NUP93: variants seen among roughly 807,000 people sequenced by gnomAD.
NUP93 encodes the protein nucleoporin 93.
A neutral mutation model predicts 107.8 loss-of-function variants in NUP93; 55 were observed. The ratio of observed to expected loss-of-function variants is 0.51; its 90% CI spans 0.41 to 0.64. The LOEUF is 0.64. NUP93 is among the 30% of genes least tolerant of loss of function. The probability of loss-of-function intolerance (pLI) is 0.00; values close to 1 mark genes in which losing one functional copy is unlikely to be tolerated. For missense variants in NUP93, 937 were observed against 1,044.7 expected, an observed-to-expected ratio of 0.90 and a Z score of 1.42; for synonymous variants, 390 against 397.5, an observed-to-expected ratio of 0.98 and a Z score of 0.22.
At chr16:56,790,233 G>A (rs1331136582) in intron 3 of NUP93, among the ~76,000 whole-genome samples, 1 of 152,188 alleles carries the variant, frequency 6.6e-6, no homozygotes, top group Non-Finnish European at 1.5e-5. Flanking sequence ...TGTCTCATGG[G>A]CCTTGTAAGC....
chr16:56,833,243 A>G lies in NUP93; in HGVS notation c.1374A>G (p.Gln458=), dbSNP rs1596856039. The G allele has an allele frequency of 1.9e-6, 3 of 1,602,456 alleles. No individual in the cohort carries two copies. The highest frequency in any genetic ancestry group is 4.6e-5 in the East Asian group (2 of 43,932). ...YGESHFTVNQ[Q]PFLYFQVLFL... is the part of the protein sequence containing the mutation. ...AGTCCCACTTTACGGTGAACCAGCA[A>G]CCCTTCCTCTACTTCCAAGTCCTGT... The change falls in exon 13 of 22, where the codon CAA becomes CAG. Residue 458 remains glutamine (Q), a synonymous_variant. Transcript: ENST00000308159.
intron 8 of NUP93, among the ~76,000 whole-genome samples, chr16:56,826,852 C>G (rs1305352811): frequency 2.6e-5 from 4 of 151,738 alleles, no homozygotes; most frequent in Non-Finnish European, 5.9e-5. Context: ...TTGAGACCAT[C>G]CTGGCCAACA....
At chr16:56,808,171 CTATATAAAATATATAGTTAT>C (rs1963197607) in intron 5 of NUP93, among the ~76,000 whole-genome samples, 1 of 86,404 alleles carries the variant, frequency 1.2e-5, no homozygotes, top group African/African-American at 4.5e-5. Flanking sequence ...AGTTATATAA[CTATATAAAATATATAGTTAT>C]ATAACTATAT....
chr16:56,804,999 GTTTATTTA>G (rs1171481362), intron 4 of NUP93, among the ~76,000 whole-genome samples: 1 of 151,952 alleles, frequency 6.6e-6, no homozygotes, highest in African/African-American at 2.4e-5. Flanking sequence ...TTGTCAGTAA[GTTTATTTA>G]TTTATTTATT....
chr16:56,828,179 C>A, intron 8 of NUP93, among the ~76,000 whole-genome samples: 1 of 120,654 alleles, frequency 8.3e-6, no homozygotes, highest in African/African-American at 3.2e-5. Flanking sequence ...GGAACCACAA[C>A]AAGACCCTGC....
intron 18 of NUP93, 120 bp from the exon 19 acceptor site, chr16:56,838,832 T>G: frequency 2.8e-6 from 2 of 727,016 alleles, no homozygotes; most frequent in Non-Finnish European, 2.4e-6. Flanking sequence ...CCCATGTAGC[T>G]GAGATTACAG....
At chr16:56,833,526 C>CAT in intron 13 of NUP93, 120 bp downstream of exon 13, 1 of 771,684 alleles carries the variant, frequency 1.3e-6, no homozygotes, top group East Asian at 3.2e-5. Context: ...CATTTTAGAG[C>CAT]ATGTGGACAG....
At position 56,798,532 on chromosome 16, in the gene NUP93, G is replaced by A. The variant is rs372813477; in HGVS notation, c.354G>A (p.Arg118=). The change falls in exon 4 of 22, where the codon CGG becomes CGA. Residue 118 remains arginine, a synonymous_variant. Transcript: ENST00000308159. ...TGCTGTCTGCCATCGAAGAGTCCCG[G>A]AAGAGGGTAAGAAAATTAACCAAAA... The part of the protein sequence containing the change: ...NALLSAIEES[R]KRTFGMAEEY... 12 of 1,613,850 alleles carry A rather than the reference G, an allele frequency of 7.4e-6. No homozygotes were observed. Among genetic ancestry groups the A allele is most frequent in the Non-Finnish European group, 1.0e-5 (12 of 1,179,862 alleles).
At chr16:56,826,514 TAAAAAAAA>T (rs35715417) in intron 8 of NUP93, among the ~76,000 whole-genome samples, 1 of 128,216 alleles carries the variant, frequency 7.8e-6, no homozygotes, top group East Asian at 2.3e-4. Context: ...AGACTCCGTC[TAAAAAAAA>T]AAAAAAAAAA....
chr16:56,806,591 G>T (rs1963146988), intron 5 of NUP93, among the ~76,000 whole-genome samples: 1 of 152,108 alleles, frequency 6.6e-6, no homozygotes, highest in African/African-American at 2.4e-5. Context: ...TCACATGGCT[G>T]TTGGCAAACC....
At chr16:56,828,893 C>T in intron 8 of NUP93, 84 bp from the exon 9 acceptor site, 1 of 1,410,692 alleles carries the variant, frequency 7.1e-7, no homozygotes, top group Non-Finnish European at 9.8e-7. Context: ...TTCCAAGCTA[C>T]AGTGTAATGT....
intron 3 of NUP93, among the ~76,000 whole-genome samples, chr16:56,766,632 C>T (rs1283254454): frequency 2.0e-5 from 3 of 152,224 alleles, no homozygotes; most frequent in Non-Finnish European, 4.4e-5. Flanking sequence ...CCATGTGCCA[C>T]TTTGATCTGC....
At chr16:56,766,295 A>C (rs1373512420) in intron 3 of NUP93, among the ~76,000 whole-genome samples, 1 of 152,196 alleles carries the variant, frequency 6.6e-6, no homozygotes, top group Non-Finnish European at 1.5e-5. Flanking sequence ...AACATTTAAC[A>C]TTTTAATAGA....
intron 1 of NUP93, among the ~76,000 whole-genome samples, chr16:56,735,959 G>T (rs1961606769): frequency 6.6e-6 from 1 of 152,170 alleles, no homozygotes; most frequent in Non-Finnish European, 1.5e-5. Context: ...ATGAAGGTCT[G>T]GCCTTAGGTG....
At chr16:56,786,877 G>A (rs1358076798) in intron 3 of NUP93, among the ~76,000 whole-genome samples, 2 of 152,192 alleles carry the variant, frequency 1.3e-5, no homozygotes, top group African/African-American at 2.4e-5. Flanking sequence ...AAAGGTTTTA[G>A]CTCGCTGTCA....
At chr16:56,742,483 TA>T (rs1961754725) in intron 1 of NUP93, among the ~76,000 whole-genome samples, 1 of 152,264 alleles carries the variant, frequency 6.6e-6, no homozygotes, top group Non-Finnish European at 1.5e-5. Context: ...ATTAATGTTT[TA>T]TTAAAGTACA....
chr16:56,797,510 C>T (rs1481817471), intron 3 of NUP93, among the ~76,000 whole-genome samples: 1 of 152,192 alleles, frequency 6.6e-6, no homozygotes, highest in African/African-American at 2.4e-5. Flanking sequence ...ATCTGTCTGT[C>T]TGTCTGCAAC....
chr16:56,842,052 G>A (rs1168841674), intron 21 of NUP93, among the ~76,000 whole-genome samples: 4 of 152,202 alleles, frequency 2.6e-5, no homozygotes, highest in Non-Finnish European at 4.4e-5. Flanking sequence ...TACTAGGTCT[G>A]CAAATCTTAC....
chr16:56,808,625 TATAA>T (rs1170127319), intron 5 of NUP93, among the ~76,000 whole-genome samples: 2 of 132,414 alleles, frequency 1.5e-5, no homozygotes, highest in Non-Finnish European at 3.1e-5. Context: ...TTTATAAATA[TATAA>T]ATACATTTAT....
Sources: allele counts gnomAD v4.1 joint callset (sites outside exome capture counted in the v4.1 genomes callset), GRCh38; gene constraint gnomAD v4.1.1; transcripts MANE v1.5; gene names NCBI Gene and HGNC (gene_info 2026-07-23, HGNC 2026-07-21).